The following C7 variants were observed in gnomAD, a reference collection of about 807,000 sequenced individuals.
C7 encodes the protein complement C7, also known as complement component C7.
Under a neutral mutation model 104.8 loss-of-function variants are expected in C7, and 83 were observed. The observed-to-expected ratio is 0.79, with a 90% confidence interval of 0.66 to 0.95. The LOEUF (loss-of-function observed/expected upper bound fraction) is 0.95, where lower values mean the gene tolerates loss of function less well. C7 is among the 40% of genes least tolerant of loss of function. The pLI is 0.00. For synonymous variants in C7, 415 were observed against 360.6 expected (o/e 1.15, Z -1.71); for missense variants, 1,070 against 1,011.2 (o/e 1.06, Z -0.79).
At chr5:40,978,431 T>C (rs1740866195) in intron 16 of C7, among the ~76,000 whole-genome samples, 1 of 152,238 alleles carries the variant, frequency 6.6e-6, no homozygotes, top group Non-Finnish European at 1.5e-5. Context: ...ATTTAGTTGA[T>C]CTGCAGCTCG....
At chr5:40,962,389 G>T (rs1740440803) in intron 13 of C7, among the ~76,000 whole-genome samples, 1 of 152,130 alleles carries the variant, frequency 6.6e-6, no homozygotes, top group Non-Finnish European at 1.5e-5. Flanking sequence ...CTATGGTGTG[G>T]GAAATCAACA....
intron 2 of C7, among the ~76,000 whole-genome samples, 174 bp from the exon 3 acceptor site, chr5:40,930,890 C>A (rs1739667765): frequency 6.6e-6 from 1 of 152,096 alleles, no homozygotes; most frequent in Non-Finnish European, 1.5e-5. Context: ...AAGTGTTAGT[C>A]TCTAAGAAAG....
chr5:40,969,612 C>T (rs1222061623), intron 14 of C7, among the ~76,000 whole-genome samples: 1 of 152,088 alleles, frequency 6.6e-6, no homozygotes, highest in Non-Finnish European at 1.5e-5. Flanking sequence ...TAAGGGATTC[C>T]AACTGAAGGT....
intron 6 of C7, among the ~76,000 whole-genome samples, chr5:40,940,572 C>T (rs554035678): frequency 4.6e-5 from 7 of 152,280 alleles, no homozygotes; most frequent in East Asian, 1.9e-4. Context: ...ATTCTAAAGG[C>T]AATTTTAATG....
intron 14 of C7, among the ~76,000 whole-genome samples, chr5:40,971,275 A>G (rs866131920): frequency 2.0e-5 from 3 of 152,160 alleles, no homozygotes; most frequent in African/African-American, 4.8e-5. Context: ...AATGATCACC[A>G]TTCTAACTGG....
intron 1 of C7, among the ~76,000 whole-genome samples, chr5:40,910,036 T>G (rs1389824608): frequency 6.6e-6 from 1 of 151,310 alleles, no homozygotes; most frequent in East Asian, 1.9e-4. Context: ...CTGCGATTTA[T>G]CTAAGAGCTA....
At position 40,959,525 on chromosome 5, in the gene C7, A is replaced by C; in HGVS notation, c.1566A>C (p.Glu522Asp). The C allele has an allele frequency of 6.2e-7, 1 of 1,611,854 alleles. No homozygotes were observed. The highest frequency in any genetic ancestry group is 8.5e-7 in the Non-Finnish European group (1 of 1,179,416). Residue 522 changes from glutamate to aspartate, a missense_variant, in exon 12 of 18, where the codon GAA (glutamate) becomes GAC (aspartate). Coordinates refer to ENST00000313164, the MANE Select transcript of C7 (RefSeq NM_000587.4). ...AAGGGAAGAAAACAAGAAGCCGTGA[A>C]TGCAATAACCCACCTCCCAGTGGGG... ...CVQGKKTRSR[E>D]CNNPPPSGGG...
At chr5:40,937,743 A>G (rs1293631913) in intron 6 of C7, 53 bp downstream of exon 6, 2 of 1,406,398 alleles carry the variant, frequency 1.4e-6, no homozygotes, top group Non-Finnish European at 1.9e-6. Flanking sequence ...AGCATTATTT[A>G]TATGATATTG....
chr5:40,970,491 G>A (rs1444006264), intron 14 of C7, among the ~76,000 whole-genome samples: 2 of 152,132 alleles, frequency 1.3e-5, no homozygotes, highest in East Asian at 3.9e-4. Context: ...ATGTCTGCAA[G>A]TTTAAAGGTG....
chr5:40,923,084 A>G lies in C7; in HGVS notation c.7-5496A>G, dbSNP rs569744285. On this transcript the variant is annotated intron_variant, in intron 1 of 17. Transcript: ENST00000313164. ...TTGCAAGCTGTTCATCTGACAAGGG[A>G]TTAAGAATCAAAATGTAAAGGGAAG... is the stretch of plus-strand genomic sequence containing the variant. Among the ~76,000 whole-genome samples, 4 of 152,310 alleles carry G rather than the reference A, an allele frequency of 2.6e-5. No homozygotes were observed. In the South Asian group the frequency reaches 6.2e-4, roughly 24 times the overall value.
intron 1 of C7, among the ~76,000 whole-genome samples, chr5:40,921,056 A>C (rs1739428355): frequency 7.0e-6 from 1 of 142,196 alleles, no homozygotes; most frequent in Non-Finnish European, 1.5e-5. Context: ...CTCCAAAAAA[A>C]AAAAAAAATG....
At chr5:40,971,733 G>GTCTT (rs1740700603) in intron 14 of C7, among the ~76,000 whole-genome samples, 1 of 152,124 alleles carries the variant, frequency 6.6e-6, no homozygotes, top group Non-Finnish European at 1.5e-5. Context: ...TTACATTTAA[G>GTCTT]TCTTTAATCC....
chr5:40,961,179 T>C (rs1257389556), intron 12 of C7, among the ~76,000 whole-genome samples: 1 of 152,236 alleles, frequency 6.6e-6, no homozygotes, highest in African/African-American at 2.4e-5. Context: ...CCAGCTTTGG[T>C]ATTTATTAGT....
At chr5:40,955,291 T>G in intron 9 of C7, 96 bp from the exon 10 acceptor site, 2 of 1,139,940 alleles carry the variant, frequency 1.8e-6, no homozygotes, top group Non-Finnish European at 2.5e-6. Context: ...TTTGACTGTT[T>G]CCATAGTTTG....
At chr5:40,953,279 A>G (rs1451947232) in intron 9 of C7, among the ~76,000 whole-genome samples, 2 of 152,206 alleles carry the variant, frequency 1.3e-5, no homozygotes, top group Non-Finnish European at 2.9e-5. Context: ...GATAATTATC[A>G]GAAGCTGGGG....
chr5:40,928,760 T>C (rs1414197472), intron 2 of C7, 125 bp downstream of exon 2: 3 of 531,850 alleles, frequency 5.6e-6, no homozygotes, highest in South Asian at 3.2e-5. Flanking sequence ...TCTCTTTCCA[T>C]ATTTTTATAA....
chr5:40,917,173 TTAAG>T (rs1360416254), intron 1 of C7, among the ~76,000 whole-genome samples: 31 of 151,848 alleles, frequency 2.0e-4, no homozygotes, highest in Non-Finnish European at 4.1e-4. Context: ...TATATTGGTA[TTAAG>T]TAAGTCACCA....
intron 7 of C7, among the ~76,000 whole-genome samples, chr5:40,946,480 G>A (rs977069783): frequency 2.6e-5 from 4 of 152,162 alleles, no homozygotes; most frequent in Admixed American, 2.6e-4. Context: ...AACATTTATT[G>A]TCTCCACATT....
chr5:40,919,452 A>G (rs998759312), intron 1 of C7, among the ~76,000 whole-genome samples: 2 of 152,002 alleles, frequency 1.3e-5, no homozygotes, highest in Admixed American at 6.6e-5. Flanking sequence ...CCACAGTGAT[A>G]TGACACTAGA....
Sources: allele counts gnomAD v4.1 joint callset (sites outside exome capture counted in the v4.1 genomes callset), GRCh38; gene constraint gnomAD v4.1.1; transcripts MANE v1.5; gene names NCBI Gene and HGNC (gene_info 2026-07-23, HGNC 2026-07-21).